DERA: variants seen among roughly 807,000 people sequenced by gnomAD.
DERA encodes the protein deoxyribose-phosphate aldolase.
Under a neutral mutation model 41.1 loss-of-function variants are expected in DERA, and 15 were observed. The ratio of observed to expected loss-of-function variants is 0.37; its 90% CI spans 0.24 to 0.56. The LOEUF is 0.56. Ranked by LOEUF, DERA falls within the 20% of genes least tolerant of loss-of-function variation. The pLI is 0.81. For synonymous variants in DERA, 139 were observed against 137.4 expected (o/e 1.01, Z -0.08); for missense variants, 396 against 403.4 (o/e 0.98, Z 0.16).
intron 1 of DERA, among the ~76,000 whole-genome samples, chr12:15,920,040 GAGAC>G (rs1390615078): frequency 6.6e-6 from 1 of 151,944 alleles, no homozygotes; most frequent in Non-Finnish European, 1.5e-5. Context: ...GGGAGGGAGA[GAGAC>G]AGAAAAGGGA....
In DERA at chr12:15,988,963, G is replaced by A. The variant is rs767557253; in HGVS notation, c.637+6527G>A. ...ATGTGTGCACACTCAGCCAGATTGC[G>A]GCAGCATCCAGGCTCAGCCACAGCT... is the stretch of plus-strand genomic sequence containing the variant. On this transcript the variant is annotated intron_variant, in intron 6 of 8. Transcript: ENST00000428559. The surrounding 1 kb of genome is among the most constrained non-coding windows in gnomAD (Gnocchi z 6.0). Among the ~76,000 whole-genome samples the A allele has an allele frequency of 2.6e-4, 40 of 152,342 alleles. No individual in the cohort carries two copies. The highest frequency in any genetic ancestry group is 8.4e-4 in the African/African-American group (35 of 41,584).
chr12:15,961,001 A>T (rs1267535057), intron 4 of DERA, among the ~76,000 whole-genome samples: 2 of 152,232 alleles, frequency 1.3e-5, no homozygotes, highest in Non-Finnish European at 2.9e-5. Context: ...GATCCATGCC[A>T]TGTGGGGGCA....
intron 7 of DERA, chr12:16,032,863 AGTAT>A (rs978214568): frequency 2.0e-6 from 1 of 505,958 alleles, no homozygotes; most frequent in African/African-American, 2.0e-5. Context: ...TGTGGGAGTG[AGTAT>A]GTGTGATCAA....
chr12:15,955,639 G>C (rs950538532), intron 1 of DERA, among the ~76,000 whole-genome samples: 1 of 152,174 alleles, frequency 6.6e-6, no homozygotes, highest in African/African-American at 2.4e-5. Flanking sequence ...TCCTTCTTCA[G>C]TGAAATTTAA....
At position 15,922,731 on chromosome 12, in the gene DERA, G is replaced by T. The variant is rs139770058; in HGVS notation, c.31+11317G>T. ...GTTTATCTGGGAAGGATACAGGATT[G>T]GGACCCAGGCACTTTAGTTGTAGAC... On this transcript the variant is annotated intron_variant, in intron 1 of 8. Coordinates refer to ENST00000428559, the MANE Select transcript of DERA (RefSeq NM_015954.4). This position sits in a 1 kb window ranked among gnomAD's most constrained non-coding sequence, Gnocchi z 4.9. Among the ~76,000 whole-genome samples the T allele has an allele frequency of 0.01, 1,573 of 152,280 alleles. 29 individuals are homozygous for T. Among genetic ancestry groups the T allele is most frequent in the African/African-American group, 0.035 (1,456 of 41,550 alleles).
At position 16,013,181 on chromosome 12, in the gene DERA, C is replaced by A. The variant is rs1025949555; in HGVS notation, c.638-19361C>A. ...GTCTTTAAAAATCATTTTAAAGAAC[C>A]ATAATTATGAATGTGTTGAAGTATT... On this transcript the variant is annotated intron_variant, in intron 6 of 8. Transcript: ENST00000428559. The surrounding 1 kb of genome is among the most constrained non-coding windows in gnomAD (Gnocchi z 5.8). 9.2e-5 allele frequency among the ~76,000 whole-genome samples: 14 copies of A among 152,090 alleles called. No individual in the cohort carries two copies. The highest frequency in any genetic ancestry group is 1.5e-5 in the Non-Finnish European group (1 of 68,026).
At chr12:15,975,670 G>C (rs1052299353) in intron 5 of DERA, among the ~76,000 whole-genome samples, 8 of 152,234 alleles carry the variant, frequency 5.3e-5, no homozygotes, top group Admixed American at 5.2e-4. Context: ...CAGCTTAAAG[G>C]TTAGAAACAA....
chr12:15,912,634 G>GTA (rs1005121769), intron 1 of DERA, among the ~76,000 whole-genome samples: 1 of 152,096 alleles, frequency 6.6e-6, no homozygotes, highest in Non-Finnish European at 1.5e-5. Flanking sequence ...AAGTAGTTTG[G>GTA]TATATTGTGG....
At chr12:15,926,303 A>G (rs1948282811) in intron 1 of DERA, among the ~76,000 whole-genome samples, 1 of 152,084 alleles carries the variant, frequency 6.6e-6, no homozygotes, top group South Asian at 2.1e-4. Context: ...CTGGGACAAC[A>G]GGTGTGTGCC....
chr12:15,936,901 CTGT>C lies in DERA; in HGVS notation c.32-20034_32-20032del, dbSNP rs1565588665. ...TTGTCTTGTCTTGTCCTGTCCTGTC[CTGT>C]CCTGTCCTGTCCTGTCCTGTCCTGT... On this transcript the variant is annotated intron_variant, in intron 1 of 8. Coordinates refer to ENST00000428559, the MANE Select transcript of DERA (RefSeq NM_015954.4). The surrounding 1 kb of genome is among the most constrained non-coding windows in gnomAD (Gnocchi z 4.6). 4.9e-5 allele frequency among the ~76,000 whole-genome samples: 7 copies of C among 142,332 alleles called. No individual in the cohort carries two copies. Among genetic ancestry groups the C allele is most frequent in the African/African-American group, 2.0e-4 (7 of 34,618 alleles). 93.4% of individuals were successfully genotyped at this position (142,332 alleles called of 152,430 possible). A position where few individuals can be genotyped will look rare whatever the true frequency, so the allele number is the denominator to read the frequency against.
At position 15,965,318 on chromosome 12, in the gene DERA, T is replaced by C. The variant is rs1948614697; in HGVS notation, c.508+2371T>C. ...CCATTTTATTTTTTAAGTTCTGGGG[T>C]ACATGTGCAGAATGTGCAGGTTTGT... On this transcript the variant is annotated intron_variant, in intron 5 of 8. Transcript: ENST00000428559. This position sits in a 1 kb window ranked among gnomAD's most constrained non-coding sequence, Gnocchi z 4.1. 6.6e-6 allele frequency among the ~76,000 whole-genome samples: 1 copy of C among 152,176 alleles called. No individual in the cohort carries two copies. The highest frequency in any genetic ancestry group is 2.4e-5 in the African/African-American group (1 of 41,442).
At chr12:15,950,183 T>A (rs905640515) in intron 1 of DERA, among the ~76,000 whole-genome samples, 1 of 152,136 alleles carries the variant, frequency 6.6e-6, no homozygotes, top group African/African-American at 2.4e-5. Context: ...ATTAAAAAAG[T>A]AAGGGAATAA....
intron 1 of DERA, among the ~76,000 whole-genome samples, chr12:15,933,360 C>T (rs935439187): frequency 6.6e-6 from 1 of 152,154 alleles, no homozygotes; most frequent in Non-Finnish European, 1.5e-5. Context: ...AATTCCTACT[C>T]CTTAGATATT....
chr12:16,020,604 G>A lies in DERA; in HGVS notation c.638-11938G>A, dbSNP rs1204519424. Among the ~76,000 whole-genome samples, 1 of 152,212 alleles carries A rather than the reference G, an allele frequency of 6.6e-6. No homozygotes were observed. The highest frequency in any genetic ancestry group is 2.4e-5 in the African/African-American group (1 of 41,458). On this transcript the variant is annotated intron_variant, in intron 6 of 8. Transcript: ENST00000428559. This position sits in a 1 kb window ranked among gnomAD's most constrained non-coding sequence, Gnocchi z 5.5. The stretch of plus-strand genomic sequence containing the variant: ...AGCTTTGGAACTGGGTAATGGAGAG[G>A]TTGGAAGAGTTTGGAGGGCCCAGAA...
At chr12:15,986,876 G>C (rs976119758) in intron 6 of DERA, among the ~76,000 whole-genome samples, 4 of 152,146 alleles carry the variant, frequency 2.6e-5, no homozygotes, top group African/African-American at 4.8e-5. Context: ...CTGATGATGA[G>C]TTCTTTCTGG....
rs1355729626 is a variant in DERA at position 15,913,964 on chromosome 12, A to G, written c.31+2550A>G. Among the ~76,000 whole-genome samples, 3 of 152,158 alleles carry G rather than the reference A, an allele frequency of 2.0e-5. No homozygotes were observed. The highest frequency in any genetic ancestry group is 7.2e-5 in the African/African-American group (3 of 41,426). On this transcript the variant is annotated intron_variant, in intron 1 of 8. Coordinates refer to ENST00000428559, the MANE Select transcript of DERA (RefSeq NM_015954.4). This position sits in a 1 kb window ranked among gnomAD's most constrained non-coding sequence, Gnocchi z 4.5. ...TATTAAAATGTACAGATATTCTTCT[A>G]TTTTATTAGATGCCACTTAACTATT...
chr12:15,936,669 G>A lies in DERA; in HGVS notation c.32-20267G>A, dbSNP rs1210084265. Among the ~76,000 whole-genome samples the A allele has an allele frequency of 6.6e-6, 1 of 152,182 alleles. No individual in the cohort carries two copies. Among genetic ancestry groups the A allele is most frequent in the Non-Finnish European group, 1.5e-5 (1 of 68,030 alleles). ...TGTATTTTATAGCTGGTTAATCCAAGCCATGATACAAATGAAGACTATGTA... is the reference window on the plus strand; with the variant it reads ...TGTATTTTATAGCTGGTTAATCCAAACCATGATACAAATGAAGACTATGTA... On this transcript the variant is annotated intron_variant, in intron 1 of 8. Transcript: ENST00000428559. This position sits in a 1 kb window ranked among gnomAD's most constrained non-coding sequence, Gnocchi z 4.6.
In DERA at chr12:15,994,548, G is replaced by T. The variant is rs927647787; in HGVS notation, c.637+12112G>T. 1.3e-5 allele frequency among the ~76,000 whole-genome samples: 2 copies of T among 152,176 alleles called. No homozygotes were observed. The highest frequency in any genetic ancestry group is 4.8e-5 in the African/African-American group (2 of 41,444). ...TGCTCACTGCAAGCTCTGCCTCCCG[G>T]GTTCACGCCATTCTCCTGCCTCAGC... On this transcript the variant is annotated intron_variant, in intron 6 of 8. Coordinates refer to ENST00000428559, the MANE Select transcript of DERA (RefSeq NM_015954.4). This position sits in a 1 kb window ranked among gnomAD's most constrained non-coding sequence, Gnocchi z 4.8.
At chr12:15,955,517 A>G (rs1295770635) in intron 1 of DERA, among the ~76,000 whole-genome samples, 1 of 152,164 alleles carries the variant, frequency 6.6e-6, no homozygotes, top group African/African-American at 2.4e-5. Flanking sequence ...AAGAAAACAT[A>G]CAATATCTTT....
Sources: allele counts gnomAD v4.1 joint callset (sites outside exome capture counted in the v4.1 genomes callset), GRCh38; gene constraint gnomAD v4.1.1; non-coding constraint Gnocchi (gnomAD v3.1); transcripts MANE v1.5; gene names NCBI Gene and HGNC (gene_info 2026-07-23, HGNC 2026-07-21).